The following PTK2B variants were observed in gnomAD, a reference collection of about 807,000 sequenced individuals.
PTK2B encodes protein tyrosine kinase 2 beta.
Under a neutral mutation model 142.9 loss-of-function variants are expected in PTK2B, and 71 were observed. That is an observed-to-expected ratio of 0.50 (90% confidence interval 0.41 to 0.61). The LOEUF (loss-of-function observed/expected upper bound fraction) is 0.61. Among genes scored for constraint, PTK2B ranks in the 20% least tolerant of loss-of-function variants. The pLI, the probability that PTK2B is intolerant of heterozygous loss-of-function variation, is 0.00. For synonymous variants in PTK2B, 519 were observed against 503.4 expected (o/e 1.03, Z -0.42); for missense variants, 1,105 against 1,320.4 (o/e 0.84, Z 2.53).
intron 1 of PTK2B, among the ~76,000 whole-genome samples, chr8:27,377,781 T>C (rs1351276382): frequency 6.6e-6 from 1 of 152,186 alleles, no homozygotes. Context: ...ACATTATCTC[T>C]AGCTGGAAGG....
At chr8:27,324,641 C>A (rs891202331), upstream of PTK2B, among the ~76,000 whole-genome samples, 8 of 152,250 alleles carry the variant, frequency 5.3e-5, no homozygotes, top group African/African-American at 1.7e-4. Context: ...ATAGCATCCT[C>A]TAGAATTGTG....
intron 2 of PTK2B, among the ~76,000 whole-genome samples, chr8:27,400,993 G>T (rs927221623): frequency 8.0e-6 from 1 of 124,996 alleles, no homozygotes; most frequent in Non-Finnish European, 1.8e-5. Flanking sequence ...CAAAAAATTA[G>T]CTGGGTATGG....
chr8:27,421,077 A>T (rs1809717279), intron 4 of PTK2B, among the ~76,000 whole-genome samples: 1 of 152,162 alleles, frequency 6.6e-6, no homozygotes, highest in Non-Finnish European at 1.5e-5. Flanking sequence ...ACTGTTGTCC[A>T]CTAATCTAGC....
chr8:27,454,638 A>G, intron 30 of PTK2B, 27 bp downstream of exon 30: 6 of 1,606,296 alleles, frequency 3.7e-6, no homozygotes, highest in East Asian at 2.2e-5. Flanking sequence ...AGACAGCACC[A>G]TAGGCTGTTG....
At chr8:27,342,842 GA>G (rs1332375494) in intron 1 of PTK2B, among the ~76,000 whole-genome samples, 4 of 152,168 alleles carry the variant, frequency 2.6e-5, no homozygotes, top group Admixed American at 2.0e-4. Context: ...GGGTCACATA[GA>G]AGATGTATTC....
chr8:27,445,544 TA>T (rs556962001), intron 23 of PTK2B, among the ~76,000 whole-genome samples: 17 of 152,190 alleles, frequency 1.1e-4, no homozygotes, highest in Non-Finnish European at 2.2e-4. Flanking sequence ...AGTGGGTCCG[TA>T]ACCAGCATGG....
At chr8:27,320,577 ACTTTT>A (rs1803189327), upstream of PTK2B, among the ~76,000 whole-genome samples, 1 of 152,066 alleles carries the variant, frequency 6.6e-6, no homozygotes, top group Non-Finnish European at 1.5e-5. Flanking sequence ...TCAGAGAAAC[ACTTTT>A]CTTTCTTTTG....
At chr8:27,357,762 A>G (rs1450310059) in intron 1 of PTK2B, among the ~76,000 whole-genome samples, 3 of 152,236 alleles carry the variant, frequency 2.0e-5, no homozygotes, top group Admixed American at 2.0e-4. Flanking sequence ...GAAAATGCAC[A>G]GGCTTGGAAT....
intron 1 of PTK2B, among the ~76,000 whole-genome samples, chr8:27,335,998 A>G (rs1357216836): frequency 3.3e-5 from 5 of 152,172 alleles, no homozygotes; most frequent in Admixed American, 6.5e-5. Flanking sequence ...GTCATCTGGA[A>G]TTCTTTCCGG....
At chr8:27,333,936 A>G (rs1586097239) in intron 1 of PTK2B, among the ~76,000 whole-genome samples, 1 of 151,862 alleles carries the variant, frequency 6.6e-6, no homozygotes, top group East Asian at 1.9e-4. Context: ...GCTGTATCTC[A>G]GAAATTAAAC....
chr8:27,443,052 C>T (rs1811254170), intron 22 of PTK2B, 69 bp downstream of exon 22: 3 of 1,107,400 alleles, frequency 2.7e-6, no homozygotes, highest in Non-Finnish European at 4.1e-6. Context: ...TGATCCATGT[C>T]CCCCTTACTG....
intron 5 of PTK2B, among the ~76,000 whole-genome samples, chr8:27,427,104 G>A (rs1175618703): frequency 6.6e-6 from 1 of 152,136 alleles, no homozygotes; most frequent in African/African-American, 2.4e-5. Context: ...GCTTGGCACA[G>A]TCTTCTCATT....
intron 1 of PTK2B, among the ~76,000 whole-genome samples, chr8:27,392,282 C>T (rs558140952): frequency 2.7e-5 from 4 of 149,066 alleles, no homozygotes; most frequent in Admixed American, 6.7e-5. Flanking sequence ...TTTTACACTA[C>T]GGAAATTGGC....
At chr8:27,329,127 G>A (rs1290868700) in intron 1 of PTK2B, among the ~76,000 whole-genome samples, 4 of 152,020 alleles carry the variant, frequency 2.6e-5, no homozygotes, top group Non-Finnish European at 5.9e-5. Flanking sequence ...TAGTAGAGAC[G>A]GGGTTTCGCC....
intron 1 of PTK2B, among the ~76,000 whole-genome samples, chr8:27,378,454 C>G (rs903679998): frequency 6.6e-6 from 1 of 152,154 alleles, no homozygotes; most frequent in Non-Finnish European, 1.5e-5. Context: ...GAACGTCCCT[C>G]TCACCTAATC....
chr8:27,385,309 G>C (rs1807281304), intron 1 of PTK2B, among the ~76,000 whole-genome samples: 2 of 152,192 alleles, frequency 1.3e-5, no homozygotes. Context: ...AGGTCTCAGG[G>C]CTGGAGAGGA....
rs575546293 is a variant in PTK2B at position 27,330,383 on chromosome 8, A to C, written c.-38+4702A>C. 3.3e-5 allele frequency among the ~76,000 whole-genome samples: 5 copies of C among 152,258 alleles called. No individual in the cohort carries two copies. In the South Asian group the frequency reaches 1.0e-3, roughly 32 times the overall value. On this transcript the variant is annotated intron_variant, in intron 1 of 30. Coordinates refer to ENST00000346049, the MANE Select transcript of PTK2B (RefSeq NM_173176.3). ...CAGCTTCCCCTGAGCACTCTCTCACAAGCATACATCAGGTATTCAATGATG... is the reference window on the plus strand; with the variant it reads ...CAGCTTCCCCTGAGCACTCTCTCACCAGCATACATCAGGTATTCAATGATG...
At chr8:27,422,769 A>G (rs1479775957) in intron 5 of PTK2B, among the ~76,000 whole-genome samples, 3 of 152,172 alleles carry the variant, frequency 2.0e-5, no homozygotes, top group Non-Finnish European at 4.4e-5. Context: ...CCATTGCTGT[A>G]TCCCCATCTC....
chr8:27,311,209 G>A (rs761766074), upstream of PTK2B: 9 of 1,586,420 alleles, frequency 5.7e-6, no homozygotes, highest in African/African-American at 4.0e-5. Flanking sequence ...GGGAAGGCCC[G>A]GGGGACACGT....
Sources: allele counts gnomAD v4.1 joint callset (sites outside exome capture counted in the v4.1 genomes callset), GRCh38; gene constraint gnomAD v4.1.1; transcripts MANE v1.5; gene names NCBI Gene and HGNC (gene_info 2026-07-23, HGNC 2026-07-21).